The following CIMIP3 variants were observed in gnomAD, a reference collection of about 807,000 sequenced individuals.
The protein encoded by CIMIP3 is ciliary microtubule inner protein 3.
the CIMIP3 span, among the ~76,000 whole-genome samples, chr6:42,161,105 T>G: frequency 6.6e-6 from 1 of 152,190 alleles, no homozygotes; most frequent in Non-Finnish European, 1.5e-5. Context: ...GGAGAATTGC[T>G]TGAACCCAGG....
At chr6:42,162,621 T>C in the CIMIP3 span, among the ~76,000 whole-genome samples, 1 of 121,442 alleles carries the variant, frequency 8.2e-6, no homozygotes, top group Non-Finnish European at 1.6e-5. Context: ...GACGATTGGA[T>C]GCAGGGAAGG....
At chr6:42,157,352 G>T in the CIMIP3 span, among the ~76,000 whole-genome samples, 1 of 152,066 alleles carries the variant, frequency 6.6e-6, no homozygotes, top group African/African-American at 2.4e-5. Flanking sequence ...TGATTCAAGT[G>T]ATTCTCCTGC....
At chr6:42,160,718 G>A in the CIMIP3 span, among the ~76,000 whole-genome samples, 10 of 152,342 alleles carry the variant, frequency 6.6e-5, no homozygotes, top group South Asian at 2.1e-3. Context: ...GTCTTCAGTG[G>A]TTCCTGGAGA....
chr6:42,162,228 A>G, the CIMIP3 span, among the ~76,000 whole-genome samples: 1 of 150,768 alleles, frequency 6.6e-6, no homozygotes, highest in Non-Finnish European at 1.5e-5. Flanking sequence ...AGCCTGGCCA[A>G]CATGGTGAAA....
chr6:42,158,992 C>T, the CIMIP3 span, among the ~76,000 whole-genome samples: 17 of 152,286 alleles, frequency 1.1e-4, no homozygotes, highest in East Asian at 1.2e-3. Flanking sequence ...CCTTCTGTGG[C>T]GTCAGGAGGA....
At chr6:42,160,201 C>A in the CIMIP3 span, among the ~76,000 whole-genome samples, 1 of 151,952 alleles carries the variant, frequency 6.6e-6, no homozygotes, top group Non-Finnish European at 1.5e-5. Flanking sequence ...GTTGCCCAGG[C>A]TGGTCTTGAA....
chr6:42,161,436 G>A, the CIMIP3 span, among the ~76,000 whole-genome samples: 1 of 152,148 alleles, frequency 6.6e-6, no homozygotes, highest in Admixed American at 6.5e-5. Context: ...GCCTACAGAT[G>A]CTTCATCCTT....
At chr6:42,163,184 G>T in the CIMIP3 span, 1 of 609,956 alleles carries the variant, frequency 1.6e-6, no homozygotes, top group Admixed American at 2.6e-5. Context: ...GTACCGCCGG[G>T]ACACTGACCA....
the CIMIP3 span, among the ~76,000 whole-genome samples, chr6:42,160,570 T>G: frequency 6.6e-6 from 1 of 152,186 alleles, no homozygotes; most frequent in Non-Finnish European, 1.5e-5. Flanking sequence ...GCGGTCCCAG[T>G]GCACTTGTAG....
At chr6:42,156,453 A>G in the CIMIP3 span, among the ~76,000 whole-genome samples, 1 of 151,900 alleles carries the variant, frequency 6.6e-6, no homozygotes, top group African/African-American at 2.4e-5. Context: ...CCTGCAGGGA[A>G]CTGGAATTTG....
the CIMIP3 span, among the ~76,000 whole-genome samples, chr6:42,161,222 A>G: frequency 2.0e-5 from 3 of 152,104 alleles, no homozygotes; most frequent in Non-Finnish European, 4.4e-5. Flanking sequence ...CACAGAGGAA[A>G]TACATCATGA....
the CIMIP3 span, among the ~76,000 whole-genome samples, chr6:42,157,781 G>A: frequency 6.6e-6 from 1 of 152,082 alleles, no homozygotes; most frequent in Non-Finnish European, 1.5e-5. Context: ...GGGAGGGGAG[G>A]GGCTGGTGAG....
At chr6:42,162,239 C>T in the CIMIP3 span, among the ~76,000 whole-genome samples, 1 of 151,118 alleles carries the variant, frequency 6.6e-6, no homozygotes, top group Non-Finnish European at 1.5e-5. Flanking sequence ...CATGGTGAAA[C>T]CCCATCTGTA....
At chr6:42,155,499 A>G in the CIMIP3 span, 1 of 715,762 alleles carries the variant, frequency 1.4e-6, no homozygotes, top group Non-Finnish European at 2.6e-6. Context: ...TGATGAAATC[A>G]CAGGGCTGGG....
the CIMIP3 span, among the ~76,000 whole-genome samples, chr6:42,158,560 G>C: frequency 6.6e-6 from 1 of 152,248 alleles, no homozygotes; most frequent in Non-Finnish European, 1.5e-5. Context: ...GGCAGAAAGG[G>C]AGGAGAGAGT....
chr6:42,161,748 A>G, the CIMIP3 span, among the ~76,000 whole-genome samples: 2 of 152,262 alleles, frequency 1.3e-5, no homozygotes, highest in South Asian at 4.2e-4. Flanking sequence ...CTGGCTGGAA[A>G]GTGAGCGGGT....
At chr6:42,155,964 A>C in the CIMIP3 span, among the ~76,000 whole-genome samples, 21 of 152,274 alleles carry the variant, frequency 1.4e-4, no homozygotes, top group South Asian at 4.4e-3. Context: ...TAATTTGCCT[A>C]AGGATCAGGC....
chr6:42,155,674 C>G, the CIMIP3 span: 1 of 715,934 alleles, frequency 1.4e-6, no homozygotes, highest in Non-Finnish European at 2.6e-6. Context: ...TGTCGGACCT[C>G]TGCGATCTCT....
At chr6:42,159,134 A>G in the CIMIP3 span, among the ~76,000 whole-genome samples, 1 of 152,234 alleles carries the variant, frequency 6.6e-6, no homozygotes, top group Admixed American at 6.5e-5. Flanking sequence ...CATGGGTCCT[A>G]TAGCACTGAT....
Sources: allele counts gnomAD v4.1 joint callset (sites outside exome capture counted in the v4.1 genomes callset), GRCh38; gene constraint gnomAD v4.1.1; transcripts MANE v1.5; gene names NCBI Gene and HGNC (gene_info 2026-07-23, HGNC 2026-07-21).